Variants in CRACD observed in about 807,000 individuals in gnomAD.
CRACD encodes the protein capping protein inhibiting regulator of actin dynamics, also known as capping protein-inhibiting regulator of actin dynamics.
CRACD carries 56 observed loss-of-function variants against 106.8 expected under a neutral mutation model. The observed-to-expected ratio is 0.52, with a 90% CI of 0.42 to 0.66. The LOEUF (loss-of-function observed/expected upper bound fraction) is 0.66, where lower values mean the gene tolerates loss of function less well. Among genes scored for constraint, CRACD ranks in the 30% least tolerant of loss-of-function variants. CRACD has a pLI of 0.00. For synonymous variants in CRACD, 754 were observed against 670.8 expected (o/e 1.12, Z -1.92); for missense variants, 1,730 against 1,623.2 (o/e 1.07, Z -1.13).
chr4:56,204,488 T>C (rs55836186), intron 2 of CRACD, among the ~76,000 whole-genome samples: 35,213 of 152,126 alleles, frequency 0.23, 5,113 homozygotes, highest in Non-Finnish European at 0.31. Context: ...GTGGAACTCA[T>C]CCTTTTGATC....
intron 2 of CRACD, among the ~76,000 whole-genome samples, chr4:56,215,215 C>T (rs67814944): frequency 0.25 from 38,605 of 151,950 alleles, 5,042 homozygotes; most frequent in South Asian, 0.39. Context: ...AGATGGGGGT[C>T]TCACTATGTT....
At chr4:56,258,061 T>TC (rs888531157) in intron 2 of CRACD, among the ~76,000 whole-genome samples, 3 of 141,354 alleles carry the variant, frequency 2.1e-5, no homozygotes, top group African/African-American at 8.1e-5. Flanking sequence ...AGAGTGAGAC[T>TC]CCATCTCAGA....
At chr4:56,249,499 C>T (rs535936733) in intron 2 of CRACD, among the ~76,000 whole-genome samples, 32 of 151,394 alleles carry the variant, frequency 2.1e-4, no homozygotes, top group Admixed American at 4.6e-4. Flanking sequence ...GAGTAGGTTG[C>T]GAAAATTTTC....
At chr4:56,072,814 T>G (rs981594250) in intron 1 of CRACD, among the ~76,000 whole-genome samples, 3 of 152,174 alleles carry the variant, frequency 2.0e-5, no homozygotes, top group Non-Finnish European at 4.4e-5. Context: ...ACTCATATGT[T>G]CTCATTGTTC....
intron 2 of CRACD, among the ~76,000 whole-genome samples, chr4:56,182,991 G>T (rs1172140579): frequency 6.6e-6 from 1 of 151,482 alleles, no homozygotes; most frequent in Admixed American, 6.6e-5. Context: ...TCAGTACTTT[G>T]GGAGGCCAAG....
At chr4:56,253,273 G>A (rs1477093727) in intron 2 of CRACD, among the ~76,000 whole-genome samples, 12 of 152,180 alleles carry the variant, frequency 7.9e-5, no homozygotes, top group Admixed American at 7.2e-4. Flanking sequence ...GACCAGGAAT[G>A]GAGAAAATAT....
At chr4:56,187,682 AT>A (rs917731143) in intron 2 of CRACD, among the ~76,000 whole-genome samples, 26 of 151,670 alleles carry the variant, frequency 1.7e-4, no homozygotes, top group Non-Finnish European at 2.8e-4. Flanking sequence ...AAATAAATAA[AT>A]TTTTTTTTCT....
At chr4:56,172,626 C>T (rs1023043478) in intron 1 of CRACD, among the ~76,000 whole-genome samples, 3 of 151,808 alleles carry the variant, frequency 2.0e-5, no homozygotes, top group Non-Finnish European at 2.9e-5. Context: ...CCACGCCCAG[C>T]TAATTTTTTT....
At chr4:56,083,509 CACCCT>C (rs113197313) in intron 1 of CRACD, among the ~76,000 whole-genome samples, 1 of 152,040 alleles carries the variant, frequency 6.6e-6, no homozygotes, top group Non-Finnish European at 1.5e-5. Flanking sequence ...TACCATACCC[CACCCT>C]ACCCTACCCT....
intron 1 of CRACD, among the ~76,000 whole-genome samples, chr4:56,057,906 C>T (rs1379287118): frequency 3.6e-5 from 3 of 84,386 alleles, no homozygotes; most frequent in Non-Finnish European, 6.9e-5. Flanking sequence ...GCAAGCTCCG[C>T]CTCCCGGGTT....
chr4:56,183,291 G>T (rs1199423045), intron 2 of CRACD, among the ~76,000 whole-genome samples: 1 of 74,314 alleles, frequency 1.3e-5, no homozygotes, highest in African/African-American at 5.3e-5. Context: ...AAAATAAAAA[G>T]AATTAGGGGA....
At chr4:56,100,326 A>G (rs934278959) in intron 1 of CRACD, among the ~76,000 whole-genome samples, 19 of 152,212 alleles carry the variant, frequency 1.2e-4, no homozygotes, top group Admixed American at 3.9e-4. Context: ...TAGCATACAT[A>G]GCTAAATTTA....
At chr4:56,235,783 C>A (rs1739930793) in intron 2 of CRACD, among the ~76,000 whole-genome samples, 2 of 152,110 alleles carry the variant, frequency 1.3e-5, no homozygotes, top group East Asian at 1.9e-4. Context: ...TTTTATGATA[C>A]CATTCACACA....
At chr4:56,301,588 A>G (rs1000137755) in intron 4 of CRACD, among the ~76,000 whole-genome samples, 12 of 152,114 alleles carry the variant, frequency 7.9e-5, no homozygotes, top group African/African-American at 2.7e-4. Flanking sequence ...TCTGTGGCTT[A>G]AGAAACTTCC....
intron 2 of CRACD, among the ~76,000 whole-genome samples, chr4:56,194,064 T>A (rs2109461406): frequency 6.6e-6 from 1 of 152,310 alleles, no homozygotes; most frequent in African/African-American, 2.4e-5. Flanking sequence ...TAGTGAACTA[T>A]CTTGATATAT....
At chr4:56,219,449 G>A (rs1738914104) in intron 2 of CRACD, among the ~76,000 whole-genome samples, 1 of 152,170 alleles carries the variant, frequency 6.6e-6, no homozygotes, top group Non-Finnish European at 1.5e-5. Flanking sequence ...CTGGATTGAA[G>A]CGATTCTTGT....
chr4:56,092,140 C>G (rs1042027584), intron 1 of CRACD, among the ~76,000 whole-genome samples: 2 of 152,050 alleles, frequency 1.3e-5, no homozygotes, highest in Non-Finnish European at 2.9e-5. Flanking sequence ...AGAAGAGGAC[C>G]TGTGGAGGAG....
At chr4:56,194,606 A>G (rs548930063) in intron 2 of CRACD, among the ~76,000 whole-genome samples, 3 of 152,312 alleles carry the variant, frequency 2.0e-5, no homozygotes, top group East Asian at 3.9e-4. Flanking sequence ...GATGGGATTA[A>G]TGTTTTTATG....
intron 1 of CRACD, among the ~76,000 whole-genome samples, chr4:56,141,104 G>A (rs1735181724): frequency 6.6e-6 from 1 of 152,196 alleles, no homozygotes; most frequent in African/African-American, 2.4e-5. Flanking sequence ...CTTCTCTTCA[G>A]TGTTCTGCCA....
Sources: gnomAD v4.1 joint callset for allele counts (sites outside exome capture counted in the v4.1 genomes callset) on GRCh38, gnomAD v4.1.1 for gene constraint, MANE v1.5 for transcripts, NCBI Gene and HGNC (gene_info 2026-07-23, HGNC 2026-07-21) for gene names.